The following RTN1 variants were observed in gnomAD, a reference collection of about 807,000 sequenced individuals.
The protein encoded by RTN1 is reticulon 1, also known as reticulon-1.
RTN1 carries 25 observed loss-of-function variants against 65.5 expected under a neutral mutation model. The ratio of observed to expected loss-of-function variants is 0.38; its 90% CI spans 0.28 to 0.53. The LOEUF (loss-of-function observed/expected upper bound fraction) is 0.53, where lower values mean the gene tolerates loss of function less well. Ranked by LOEUF, RTN1 falls within the 20% of genes least tolerant of loss-of-function variation. The pLI is 0.79. For synonymous variants in RTN1, 471 were observed against 447.6 expected (o/e 1.05, Z -0.66); for missense variants, 983 against 1,025.4 (o/e 0.96, Z 0.57).
rs1049562401 is a variant in RTN1 at position 59,729,050 on chromosome 14, A to G, written c.1016-1382T>C. The stretch of plus-strand genomic sequence containing the variant: ...GGTGGAGATGAGTTTGCAATTTTAA[A>G]TAGGGGAGTCCGTGTAGGCCTCATT... On this transcript the variant is annotated intron_variant, in intron 2 of 8. Transcript: ENST00000267484. Among the ~76,000 whole-genome samples the G allele has an allele frequency of 7.2e-5, 11 of 152,202 alleles. No homozygotes were observed. The South Asian group carries it at 1.7e-3, about 23-fold the overall frequency.
At chr14:59,710,416 C>T (rs1021632923) in intron 3 of RTN1, among the ~76,000 whole-genome samples, 2 of 152,192 alleles carry the variant, frequency 1.3e-5, no homozygotes, top group East Asian at 3.8e-4. Flanking sequence ...TAAATTCAGT[C>T]CCTTTTAAAG....
chr14:59,729,781 C>G (rs775208675), intron 2 of RTN1, among the ~76,000 whole-genome samples: 25 of 152,194 alleles, frequency 1.6e-4, no homozygotes, highest in Admixed American at 1.6e-3. Context: ...GGATCCATTC[C>G]TTTCTTTCTC....
rs565151444 is a variant in RTN1, at chr14:59,716,396, G to A, written c.1765+10523C>T. Among the ~76,000 whole-genome samples the A allele has an allele frequency of 3.8e-4, 58 of 152,298 alleles. 1 individual carries two copies. The South Asian group carries it at 9.3e-3, about 24-fold the overall frequency. ...AAACTCCAATTAGTAGGAAAGCACA[G>A]TTCATAAATTCTACATGGTATTATA... On this transcript the variant is annotated intron_variant, in intron 3 of 8. Coordinates refer to ENST00000267484, the MANE Select transcript of RTN1 (RefSeq NM_021136.3).
rs1345665820 is a variant in RTN1, at chr14:59,606,125, T to TATATACATAA, written c.1974-620_1974-619insTTATGTATAT. ...CATGATATATATATATATATATATA[T>TATATACATAA]ATCATACCAGCTTAAGCCTCCTCTG... On this transcript the variant is annotated intron_variant, in intron 4 of 8. Coordinates refer to ENST00000267484, the MANE Select transcript of RTN1 (RefSeq NM_021136.3). 4 of 111,464 alleles carry TATATACATAA rather than the reference T, an allele frequency of 3.6e-5. No homozygotes were observed. The East Asian group carries it at 1.3e-3, about 38-fold the overall frequency. The allele number at this position is 111,464 out of a possible 1,614,324, so 6.9% of individuals were successfully genotyped here. A position where few individuals can be genotyped will look rare whatever the true frequency, so the allele number is the denominator to read the frequency against.
intron 3 of RTN1, among the ~76,000 whole-genome samples, chr14:59,628,185 T>C (rs1010016667): frequency 3.9e-5 from 6 of 152,082 alleles, no homozygotes; most frequent in African/African-American, 1.2e-4. Flanking sequence ...ATAATAATAA[T>C]ATTCCAGTGA....
chr14:59,760,974 C>A (rs1885736502), intron 1 of RTN1, among the ~76,000 whole-genome samples: 1 of 152,172 alleles, frequency 6.6e-6, no homozygotes, highest in South Asian at 2.1e-4. Flanking sequence ...TATTTCCCCT[C>A]CTAGTTCTGA....
intron 3 of RTN1, among the ~76,000 whole-genome samples, chr14:59,695,214 G>A (rs190620193): frequency 0.011 from 1,681 of 152,192 alleles, 39 homozygotes; most frequent in African/African-American, 0.038. Context: ...TAATCCCAGA[G>A]CTTTCCATTC....
chr14:59,615,727 A>AT (rs1882083969), intron 3 of RTN1, among the ~76,000 whole-genome samples: 1 of 152,184 alleles, frequency 6.6e-6, no homozygotes, highest in African/African-American at 2.4e-5. Flanking sequence ...TTTAAAGATG[A>AT]TTTTTATGTA....
rs115749728 is a variant in RTN1 at position 59,755,760 on chromosome 14, C to T, written c.242-9279G>A. 3.8e-3 allele frequency among the ~76,000 whole-genome samples: 583 copies of T among 152,202 alleles called. 3 individuals carry two copies. The highest frequency in any genetic ancestry group is 0.013 in the African/African-American group (556 of 41,532). On this transcript the variant is annotated intron_variant, in intron 1 of 8. Transcript: ENST00000267484. ...ACATGACAAATGGGTACTGAGAAAT[C>T]CAGGTACACCCATTTTTAATCAGTT...
At chr14:59,750,200 A>G (rs1885436588) in intron 1 of RTN1, among the ~76,000 whole-genome samples, 2 of 58,810 alleles carry the variant, frequency 3.4e-5, no homozygotes, top group Admixed American at 6.4e-4. Context: ...TATTATATCT[A>G]TAATATATAA....
chr14:59,643,628 G>A (rs900556319), intron 3 of RTN1, among the ~76,000 whole-genome samples: 2 of 152,122 alleles, frequency 1.3e-5, no homozygotes, highest in Non-Finnish European at 2.9e-5. Flanking sequence ...GAACTATGCA[G>A]ACAAAAGGGG....
At chr14:59,838,902 T>C (rs1318059834) in intron 1 of RTN1, among the ~76,000 whole-genome samples, 1 of 152,194 alleles carries the variant, frequency 6.6e-6, no homozygotes, top group Non-Finnish European at 1.5e-5. Flanking sequence ...TATGAATTTG[T>C]CTCTTCTTGT....
At chr14:59,823,116 C>G (rs574052457) in intron 1 of RTN1, among the ~76,000 whole-genome samples, 2 of 152,070 alleles carry the variant, frequency 1.3e-5, no homozygotes, top group African/African-American at 4.8e-5. Context: ...TTGAAGACTC[C>G]CACCATTATT....
intron 1 of RTN1, among the ~76,000 whole-genome samples, chr14:59,797,153 G>A (rs558657109): frequency 2.0e-5 from 3 of 152,198 alleles, no homozygotes; most frequent in South Asian, 4.1e-4. Context: ...TATTTTCTAT[G>A]AAGCAGTTTG....
intron 3 of RTN1, among the ~76,000 whole-genome samples, chr14:59,698,380 G>A (rs1216389288): frequency 6.6e-6 from 1 of 152,044 alleles, no homozygotes; most frequent in Admixed American, 6.6e-5. Flanking sequence ...ATAGCTGCCT[G>A]CCATTTTTCA....
intron 3 of RTN1, among the ~76,000 whole-genome samples, chr14:59,693,234 T>C (rs1285115041): frequency 6.6e-6 from 1 of 152,250 alleles, no homozygotes; most frequent in Non-Finnish European, 1.5e-5. Context: ...AAGACAGTAT[T>C]GGTTAAAAAC....
At position 59,746,310 on chromosome 14, in the gene RTN1, T is replaced by C. The variant is rs1594717275; in HGVS notation, c.413A>G (p.Glu138Gly). Residue 138 changes from glutamate (E) to glycine (G), a missense_variant, in exon 2 of 9, where the codon GAG becomes GGG. Glu to Gly is a moderately conservative substitution (Grantham distance 98, BLOSUM62 -2). Coordinates refer to ENST00000267484, the MANE Select transcript of RTN1 (RefSeq NM_021136.3). ...GGGTGTACCCAGCTCCTCAGGGCTC[T>C]CTGAAATGGTGACGTGGCCATTTTC... ...QKENGHVTIS[E>G]SPEELGTPGP... 3.1e-6 allele frequency: 5 copies of C among 1,614,172 alleles called. No individual in the cohort carries two copies. The highest frequency in any genetic ancestry group is 4.2e-6 in the Non-Finnish European group (5 of 1,179,990).
chr14:59,830,394 G>A (rs887787682), intron 1 of RTN1, among the ~76,000 whole-genome samples: 8 of 152,164 alleles, frequency 5.3e-5, no homozygotes, highest in Admixed American at 2.6e-4. Flanking sequence ...CTTTCATAAC[G>A]TCAAGGAAGC....
chr14:59,762,537 T>C (rs569052685), intron 1 of RTN1, among the ~76,000 whole-genome samples: 1 of 152,218 alleles, frequency 6.6e-6, no homozygotes, highest in South Asian at 2.1e-4. Flanking sequence ...GCAATATGAC[T>C]CCAAAGCTGA....
Sources: allele counts gnomAD v4.1 joint callset (sites outside exome capture counted in the v4.1 genomes callset), GRCh38; gene constraint gnomAD v4.1.1; transcripts MANE v1.5; gene names NCBI Gene and HGNC (gene_info 2026-07-23, HGNC 2026-07-21).